SRRM2: variants seen among roughly 807,000 people sequenced by gnomAD.
SRRM2 encodes the protein serine/arginine repetitive matrix protein 2.
In SRRM2, 30 loss-of-function variants were observed where a neutral mutation model predicts 213.8. The observed-to-expected ratio is 0.14, with a 90% CI of 0.10 to 0.19. The LOEUF is 0.19. SRRM2 is among the 10% of genes least tolerant of loss of function. The pLI is 1.00. For missense variants in SRRM2, 4,904 were observed against 3,647.0 expected (o/e 1.34, Z -8.88); for synonymous variants, 2,025 against 1,377.7 (o/e 1.47, Z -10.40).
rs749796177 is a variant in SRRM2 at position 2,765,576 on chromosome 16, G to A, written c.5048G>A (p.Arg1683His). The change falls in exon 11 of 15, where the codon CGT becomes CAT. Residue 1683 changes from arginine (R) to histidine (H), a missense_variant. Physicochemically the swap from Arg to His is conservative, Grantham distance 29. Coordinates refer to ENST00000301740, the MANE Select transcript of SRRM2 (RefSeq NM_016333.4). ...RSSPEPKTKS[R>H]TPPRRRSSRS... is the part of the protein sequence containing the mutation. ...TCACCAGAGCCCAAGACCAAGTCTC[G>A]TACACCACCTCGACGTCGCAGCTCT... 7 of 1,614,120 alleles carry A rather than the reference G, an allele frequency of 4.3e-6. No homozygotes were observed. Among genetic ancestry groups the A allele is most frequent in the South Asian group, 1.1e-5 (1 of 91,072 alleles).
intron 1 of SRRM2, among the ~76,000 whole-genome samples, chr16:2,753,176 G>A (rs1210790624): frequency 1.3e-5 from 2 of 152,220 alleles, no homozygotes; most frequent in East Asian, 1.9e-4. Context: ...TGGCCTTCCT[G>A]CAGCTGCCGT....
chr16:2,763,331 T>C lies in SRRM2; in HGVS notation c.2803T>C (p.Ser935Pro). The change falls in exon 11 of 15, where the codon TCT (serine) becomes CCT (proline). Residue 935 changes from serine to proline, a missense_variant. Ser to Pro is a moderately conservative substitution (Grantham distance 74). Transcript: ENST00000301740. ...ACAAAGAAGCCATTCTGGCTCCTCT[T>C]CTCCAAGTCCTAGTAGGGTGACGTC... The part of the protein sequence containing the change: ...PRQRSHSGSS[S>P]PSPSRVTSRT... 6.2e-7 allele frequency: 1 copy of C among 1,614,082 alleles called. No homozygotes were observed. The highest frequency in any genetic ancestry group is 8.5e-7 in the Non-Finnish European group (1 of 1,180,020).
Position 2,758,867 on chromosome 16 carries a change from G to T in SRRM2, c.594-118G>T, listed in dbSNP as rs1596267431. ...AATAAGTCCTGGGCTTAGGTCTGGG[G>T]CATTAGTGCTATTAGGACATTCAAG... On this transcript the variant is annotated intron_variant, in intron 5 of 14. Transcript: ENST00000301740. 3 of 1,068,492 alleles carry T rather than the reference G, an allele frequency of 2.8e-6. No individual in the cohort carries two copies. The South Asian group carries it at 4.4e-5, about 16-fold the overall frequency. 66.2% of individuals were successfully genotyped at this position (1,068,492 alleles called of 1,614,324 possible). A position where few individuals can be genotyped will look rare whatever the true frequency, so the allele number is the denominator to read the frequency against.
At chr16:2,754,761 G>A (rs1375070514) in intron 1 of SRRM2, among the ~76,000 whole-genome samples, 1 of 152,174 alleles carries the variant, frequency 6.6e-6, no homozygotes, top group Non-Finnish European at 1.5e-5. Flanking sequence ...ACCGTGAGGA[G>A]GATTGGTACT....
At position 2,756,726 on chromosome 16, in the gene SRRM2, A is replaced by T; in HGVS notation, c.242+120A>T. On this transcript the variant is annotated intron_variant, in intron 2 of 14. Transcript: ENST00000301740. Reference sequence around the variant, plus strand: ...GCCTGGCAAAGAGTTGTGGTAGGGGAGGAGGCAGATGAGCTCTAGAGAAGT... The same window carrying T: ...GCCTGGCAAAGAGTTGTGGTAGGGGTGGAGGCAGATGAGCTCTAGAGAAGT... 5 of 1,383,818 alleles carry T rather than the reference A, an allele frequency of 3.6e-6. No individual in the cohort carries two copies. The South Asian group carries it at 7.1e-5, about 20-fold the overall frequency. 85.7% of individuals were successfully genotyped at this position (1,383,818 alleles called of 1,614,324 possible).
rs1332683009 is a variant in SRRM2 at position 2,762,980 on chromosome 16, A to G, written c.2452A>G (p.Ser818Gly). ...SRTPPRRSRS[S>G]SSPPPKQKSK... ...AACGCCACCCAGACGCAGTCGCTCCAGTTCTTCTCCGCCACCTAAACAGAA... is the reference window on the plus strand; with the variant it reads ...AACGCCACCCAGACGCAGTCGCTCCGGTTCTTCTCCGCCACCTAAACAGAA... Residue 818 changes from serine to glycine, a missense_variant, in exon 11 of 15, where the codon AGT becomes GGT. By Grantham distance (56) the Ser-to-Gly change is moderately conservative. Transcript: ENST00000301740. 4 of 1,614,012 alleles carry G rather than the reference A, an allele frequency of 2.5e-6. No individual in the cohort carries two copies. The highest frequency in any genetic ancestry group is 3.4e-6 in the Non-Finnish European group (4 of 1,180,028).
At position 2,763,959 on chromosome 16, in the gene SRRM2, C is replaced by T. The variant is rs376948735; in HGVS notation, c.3431C>T (p.Ser1144Leu). 1.7e-5 allele frequency: 27 copies of T among 1,614,208 alleles called. No homozygotes were observed. The African/African-American group carries it at 3.6e-4, about 22-fold the overall frequency. ...EQSRFQSDSSSYPTVDSNSLL... is the reference protein window; with the variant it reads ...EQSRFQSDSSLYPTVDSNSLL... ...AGCAGGTTCCAGTCTGACTCTTCTT[C>T]ATATCCTACAGTGGACTCGAATTCT... Residue 1144 changes from serine (S) to leucine (L), a missense_variant, in exon 11 of 15, where the codon TCA becomes TTA. Coordinates refer to ENST00000301740, the MANE Select transcript of SRRM2 (RefSeq NM_016333.4).
At chr16:2,752,873 CG>C (rs1275921245) in intron 1 of SRRM2, 27 bp downstream of exon 1, 2 of 205,516 alleles carry the variant, frequency 9.7e-6, no homozygotes, top group Non-Finnish European at 2.0e-5. Context: ...GCCAGCGAGC[CG>C]GGTGGGGGAG....
chr16:2,756,748 A>AAGTGAAAAC, intron 2 of SRRM2, 142 bp downstream of exon 2: 1 of 1,191,016 alleles, frequency 8.4e-7, no homozygotes, highest in Non-Finnish European at 1.1e-6. Context: ...AGCTCTAGAG[A>AAGTGAAAAC]AGTGAAAACA....
intron 1 of SRRM2, chr16:2,753,399 TCGTGGGC>T (rs2068014708): frequency 6.6e-6 from 1 of 152,236 alleles, no homozygotes; most frequent in African/African-American, 2.4e-5. Flanking sequence ...GCCTTGAACT[TCGTGGGC>T]CGGATTTAAA....
Position 2,763,307 on chromosome 16 carries a change from C to G in SRRM2, c.2779C>G (p.Gln927Glu). Reference sequence around the variant, plus strand: ...AGTGAAGGCAATAATATCACCAAGACAAAGAAGCCATTCTGGCTCCTCTTC... The same window carrying G: ...AGTGAAGGCAATAATATCACCAAGAGAAAGAAGCCATTCTGGCTCCTCTTC... ...PKVKAIISPR[Q>E]RSHSGSSSPS... Residue 927 changes from glutamine (Q) to glutamate (E), a missense_variant, in exon 11 of 15, where the codon CAA (glutamine) becomes GAA (glutamate). Physicochemically the swap from Gln to Glu is conservative, Grantham distance 29. Transcript: ENST00000301740. 6.2e-7 allele frequency: 1 copy of G among 1,614,164 alleles called. No individual in the cohort carries two copies. Among genetic ancestry groups the G allele is most frequent in the Non-Finnish European group, 8.5e-7 (1 of 1,180,020 alleles).
In SRRM2 at chr16:2,757,929, C is replaced by G; in HGVS notation, c.499C>G (p.Pro167Ala). The change falls in exon 4 of 15, where the codon CCT (proline) becomes GCT (alanine). Residue 167 changes from proline (P) to alanine (A), a missense_variant. Transcript: ENST00000301740. ...AREAKQPAPE[P>A]PKPYSLVRES... ...AGAAGCTAAACAACCAGCTCCTGAG[C>G]CTCCCAAACCTTACAGGTATACAAG... 1.2e-6 allele frequency: 2 copies of G among 1,613,880 alleles called. No homozygotes were observed. The highest frequency in any genetic ancestry group is 1.7e-4 in the Middle Eastern group (1 of 6,060).
rs759833860 is a variant in SRRM2, at chr16:2,766,794, G to A, written c.6266G>A (p.Arg2089Gln). Residue 2089 changes from arginine (R) to glutamine (Q), a missense_variant, in exon 11 of 15, where the codon CGA becomes CAA. Physicochemically the swap from Arg to Gln is conservative, Grantham distance 43. Transcript: ENST00000301740. This position sits in a 1 kb window ranked among gnomAD's most constrained non-coding sequence, Gnocchi z 7.0. ...SASGSSSDRS[R>Q]SATPPATRNH... ...TCTGGAAGTAGTTCTGATCGTTCAC[G>A]ATCTGCTACTCCTCCAGCAACAAGA... 3.1e-6 allele frequency: 5 copies of A among 1,614,018 alleles called. No homozygotes were observed. The highest frequency in any genetic ancestry group is 2.2e-5 in the South Asian group (2 of 91,084).
chr16:2,761,436 G>A, intron 10 of SRRM2, 125 bp from the exon 11 acceptor site: 1 of 676,816 alleles, frequency 1.5e-6, no homozygotes, highest in African/African-American at 1.8e-5. Flanking sequence ...GAATGAAAGT[G>A]ATCGCTTGTG....
rs1020141668 is a variant in SRRM2 at position 2,762,944 on chromosome 16, G to A, written c.2416G>A (p.Ala806Thr). The part of the protein sequence containing the change: ...RSRSGSSQPK[A>T]KSRTPPRRSR... Reference sequence around the variant, plus strand: ...TCGCTCTGGATCCTCCCAACCTAAAGCTAAATCTAGAACGCCACCCAGACG... The same window carrying A: ...TCGCTCTGGATCCTCCCAACCTAAAACTAAATCTAGAACGCCACCCAGACG... The change falls in exon 11 of 15, where the codon GCT (alanine) becomes ACT (threonine). Residue 806 changes from alanine (A) to threonine (T), a missense_variant. Ala to Thr is a moderately conservative substitution (Grantham distance 58). Transcript: ENST00000301740. 12 of 1,610,272 alleles carry A rather than the reference G, an allele frequency of 7.5e-6. No individual in the cohort carries two copies. The highest frequency in any genetic ancestry group is 1.0e-5 in the Non-Finnish European group (12 of 1,176,856).
intron 5 of SRRM2, 107 bp from the exon 6 acceptor site, chr16:2,758,878 A>G (rs988012918): frequency 5.7e-6 from 7 of 1,228,938 alleles, no homozygotes; most frequent in South Asian, 2.7e-5. Context: ...CATTAGTGCT[A>G]TTAGGACATT....
Position 2,770,447 on chromosome 16 carries a change from C to T in SRRM2, c.8117C>T (p.Ser2706Leu), listed in dbSNP as rs1160915487. The change falls in exon 13 of 15, where the codon TCA (serine) becomes TTA (leucine). Residue 2706 changes from serine (S) to leucine (L), a missense_variant. Coordinates refer to ENST00000301740, the MANE Select transcript of SRRM2 (RefSeq NM_016333.4). Reference sequence around the variant, plus strand: ...CGTCGCCGTCCCTCGCCCCAGCCCTCACCACGGGACCAGCAGAGGTAAGGC... The same window carrying T: ...CGTCGCCGTCCCTCGCCCCAGCCCTTACCACGGGACCAGCAGAGGTAAGGC... ...VERRRPSPQP[S>L]PRDQQSSSSE... 2 of 1,608,486 alleles carry T rather than the reference C, an allele frequency of 1.2e-6. No individual in the cohort carries two copies. Among genetic ancestry groups the T allele is most frequent in the South Asian group, 1.1e-5 (1 of 89,830 alleles).
rs766268238 is a variant in SRRM2 at position 2,765,027 on chromosome 16, C to T, written c.4499C>T (p.Pro1500Leu). 2 of 1,613,978 alleles carry T rather than the reference C, an allele frequency of 1.2e-6. No individual in the cohort carries two copies. Among genetic ancestry groups the T allele is most frequent in the African/African-American group, 1.3e-5 (1 of 75,020 alleles). Residue 1500 changes from proline to leucine, a missense_variant, in exon 11 of 15, where the codon CCA becomes CTA. Transcript: ENST00000301740. The part of the protein sequence containing the change: ...PQTPRPRSRS[P>L]SSPELNNKCL... ...ACTCCTAGGCCGAGGAGTCGTTCTC[C>T]ATCATCCCCAGAGCTCAACAACAAG...
intron 1 of SRRM2, among the ~76,000 whole-genome samples, chr16:2,754,414 C>A (rs1238341127): frequency 6.6e-6 from 1 of 152,136 alleles, no homozygotes; most frequent in Non-Finnish European, 1.5e-5. Flanking sequence ...CTGCTTCAGC[C>A]TCTGGAGTTG....
Sources: allele counts gnomAD v4.1 joint callset (sites outside exome capture counted in the v4.1 genomes callset), GRCh38; gene constraint gnomAD v4.1.1; non-coding constraint Gnocchi (gnomAD v3.1); transcripts MANE v1.5; gene names NCBI Gene and HGNC (gene_info 2026-07-23, HGNC 2026-07-21).